ZNF250: variants seen among roughly 807,000 people sequenced by gnomAD.
ZNF250 encodes zinc finger protein 250.
A neutral mutation model predicts 37.1 loss-of-function variants in ZNF250; 13 were observed. The ratio of observed to expected loss-of-function variants is 0.35; its 90% CI spans 0.23 to 0.56. ZNF250 has a LOEUF of 0.56. Among genes scored for constraint, ZNF250 ranks in the 20% least tolerant of loss-of-function variants. ZNF250 has a pLI of 0.87. For missense variants in ZNF250, 474 were observed against 697.9 expected (o/e 0.68, Z 3.61); for synonymous variants, 251 against 265.6 (o/e 0.94, Z 0.54).
chr8:144,882,298 C>A lies in ZNF250; in HGVS notation c.885G>T (p.Gln295His), dbSNP rs1831540721. The A allele has an allele frequency of 9.3e-6, 15 of 1,613,830 alleles. No individual in the cohort carries two copies. Among genetic ancestry groups the A allele is most frequent in the Non-Finnish European group, 1.3e-5 (15 of 1,179,828 alleles). The change falls in exon 6 of 6, where the codon CAG becomes CAT. Residue 295 changes from glutamine to histidine, a missense_variant. Around this residue, in one of 2 missense-constraint regions of ZNF250, gnomAD observed 282 missense variants for 470.4 expected, o/e 0.60. Transcript: ENST00000417550. The surrounding 1 kb of genome is among the most constrained non-coding windows in gnomAD (Gnocchi z 5.5). ...KAFTQLSHLIQHQRIHTGERP... is the reference protein window; with the variant it reads ...KAFTQLSHLIHHQRIHTGERP... ...TTTCTCCCGTGTGGATCCGCTGGTG[C>A]TGAATGAGATGTGAGAGTTGAGTGA...
rs1232301194 is a variant in ZNF250, at chr8:144,876,972, T to G, written c.*4543A>C. 2.0e-5 allele frequency: 3 copies of G among 152,262 alleles called. No individual in the cohort carries two copies. Among genetic ancestry groups the G allele is most frequent in the Non-Finnish European group, 4.4e-5 (3 of 68,046 alleles). 9.4% of individuals were successfully genotyped at this position (152,262 alleles called of 1,614,324 possible). A position where few individuals can be genotyped will look rare whatever the true frequency, so the allele number is the denominator to read the frequency against. On this transcript the variant is annotated 3_prime_UTR_variant, in exon 6 of 6. Coordinates refer to ENST00000417550, the MANE Select transcript of ZNF250 (RefSeq NM_001109689.4). ...AATACTTGTTCCAGTCATTACTTTTTTATTGGAAAGCGTCAGATTATACAC... is the reference window on the plus strand; with the variant it reads ...AATACTTGTTCCAGTCATTACTTTTGTATTGGAAAGCGTCAGATTATACAC...
At chr8:144,901,724 G>A (rs981016304), upstream of ZNF250, 11 of 152,616 alleles carry the variant, frequency 7.2e-5, no homozygotes, top group African/African-American at 1.9e-4. This position sits in a 1 kb window ranked among gnomAD's most constrained non-coding sequence, Gnocchi z 5.4. Flanking sequence ...GGGCGCGGAG[G>A]TTACAGCCCA....
chr8:144,889,787 G>A, intron 3 of ZNF250, 93 bp from the exon 4 acceptor site: 1 of 1,464,906 alleles, frequency 6.8e-7, no homozygotes, highest in East Asian at 2.3e-5. Context: ...AAATGGACAG[G>A]ACTGATCTTC....
Position 144,891,734 on chromosome 8 carries a change from C to A in ZNF250, c.-54-1331G>T, listed in dbSNP as rs558951583. Among the ~76,000 whole-genome samples the A allele has an allele frequency of 6.6e-6, 1 of 152,340 alleles. No individual in the cohort carries two copies. Among genetic ancestry groups the A allele is most frequent in the South Asian group, 2.1e-4 (1 of 4,832 alleles). On this transcript the variant is annotated intron_variant, in intron 1 of 5. Transcript: ENST00000417550. The surrounding 1 kb of genome is among the most constrained non-coding windows in gnomAD (Gnocchi z 4.0). ...GGGTGTGGTGGTGCACGCCTGTAGT[C>A]CCAGCTACTCAGGAGGCTGAGGCAA...
chr8:144,888,910 A>C (rs1832107362), intron 4 of ZNF250, among the ~76,000 whole-genome samples: 1 of 152,076 alleles, frequency 6.6e-6, no homozygotes, highest in Non-Finnish European at 1.5e-5. Flanking sequence ...CTGGGACTAC[A>C]GGTGCATGCC....
chr8:144,893,550 C>T (rs7834033), intron 1 of ZNF250, among the ~76,000 whole-genome samples: 91,226 of 152,036 alleles, frequency 0.6, 30,841 homozygotes, highest in South Asian at 0.87. Context: ...AGGCTGGTCT[C>T]GAACCCCTGA....
chr8:144,894,658 CT>C (rs1832590406), intron 1 of ZNF250, among the ~76,000 whole-genome samples: 1 of 148,298 alleles, frequency 6.7e-6, no homozygotes, highest in Non-Finnish European at 1.5e-5. Flanking sequence ...CTTTTTTAAA[CT>C]TTTAATTAAT....
In ZNF250 at chr8:144,878,809, A is replaced by C. The variant is rs965236316; in HGVS notation, c.*2706T>G. ...GAATTACCTCAATGATCTAATCTCTAAAGTAATACCTTAGTGATCCCATTT... is the reference window on the plus strand; with the variant it reads ...GAATTACCTCAATGATCTAATCTCTCAAGTAATACCTTAGTGATCCCATTT... On this transcript the variant is annotated 3_prime_UTR_variant, in exon 6 of 6. Transcript: ENST00000417550. 2 of 152,188 alleles carry C rather than the reference A, an allele frequency of 1.3e-5. No individual in the cohort carries two copies. Among genetic ancestry groups the C allele is most frequent in the Admixed American group, 6.5e-5 (1 of 15,286 alleles). 9.4% of individuals were successfully genotyped at this position (152,188 alleles called of 1,614,324 possible).
In ZNF250 at chr8:144,890,133, G is replaced by A. The variant is rs117030606; in HGVS notation, c.43-74C>T. On this transcript the variant is annotated intron_variant, in intron 2 of 5. Transcript: ENST00000417550. This position sits in a 1 kb window ranked among gnomAD's most constrained non-coding sequence, Gnocchi z 5.1. ...GATGGGGAGTGGGTGCATGTGACATGTGACATGAGCAGTTGGCAGTGGGGG... is the reference window on the plus strand; with the variant it reads ...GATGGGGAGTGGGTGCATGTGACATATGACATGAGCAGTTGGCAGTGGGGG... 6,350 of 1,575,780 alleles carry A rather than the reference G, an allele frequency of 4.0e-3. 21 individuals carry two copies. The highest frequency in any genetic ancestry group is 4.5e-3 in the Non-Finnish European group (5,278 of 1,160,124).
chr8:144,885,920 A>C (rs928928077), intron 5 of ZNF250, among the ~76,000 whole-genome samples: 1 of 151,974 alleles, frequency 6.6e-6, no homozygotes, highest in African/African-American at 2.4e-5. Context: ...AGCTTGCGCA[A>C]CATGGTGAAA....
At position 144,889,631 on chromosome 8, in the gene ZNF250, A is replaced by G; in HGVS notation, c.233T>C (p.Leu78Pro). 6.2e-7 allele frequency: 1 copy of G among 1,613,966 alleles called. No individual in the cohort carries two copies. The highest frequency in any genetic ancestry group is 1.1e-5 in the South Asian group (1 of 91,086). Residue 78 changes from leucine (L) to proline (P), a missense_variant, in exon 4 of 6, where the codon CTG becomes CCG. This residue lies in a region of ZNF250 where 192 missense variants were observed against 227.5 expected (regional missense o/e 0.84). Coordinates refer to ENST00000417550, the MANE Select transcript of ZNF250 (RefSeq NM_001109689.4). The part of the protein sequence containing the change: ...QLERGEDPWV[L>P]DRKGAKKSQG... ...GCTCTTCTTAGCCCCCTTCCTGTCC[A>G]GGACCCAGGGATCTTCCCCTCGCTC...
chr8:144,884,325 C>A (rs1416553833), intron 5 of ZNF250, among the ~76,000 whole-genome samples: 6 of 152,346 alleles, frequency 3.9e-5, no homozygotes, highest in Admixed American at 3.9e-4. Flanking sequence ...GAGCTCGGCT[C>A]ACTGCAACCT....
rs1831557825 is a variant in ZNF250 at position 144,882,474 on chromosome 8, G to A, written c.709C>T (p.Leu237Phe). The change falls in exon 6 of 6, where the codon CTT becomes TTT. Residue 237 changes from leucine (L) to phenylalanine (F), a missense_variant. Coordinates refer to ENST00000417550, the MANE Select transcript of ZNF250 (RefSeq NM_001109689.4). This position sits in a 1 kb window ranked among gnomAD's most constrained non-coding sequence, Gnocchi z 5.5. ...CGKAFSQSSV[L>F]SKHRRIHTGE... ...GTGTGAATTCTCCTGTGTTTACTAAGGACTGAGCTCTGGCTGAAGGCCTTC... is the reference window on the plus strand; with the variant it reads ...GTGTGAATTCTCCTGTGTTTACTAAAGACTGAGCTCTGGCTGAAGGCCTTC... The A allele has an allele frequency of 4.3e-6, 7 of 1,613,994 alleles. No individual in the cohort carries two copies. Among genetic ancestry groups the A allele is most frequent in the Admixed American group, 1.7e-5 (1 of 59,994 alleles).
At chr8:144,883,233 G>A (rs1271414332) in intron 5 of ZNF250, among the ~76,000 whole-genome samples, 1 of 152,230 alleles carries the variant, frequency 6.6e-6, no homozygotes, top group East Asian at 1.9e-4. Flanking sequence ...GGCAGGCAGG[G>A]AGAGGTGTGA....
At position 144,879,908 on chromosome 8, in the gene ZNF250, A is replaced by G. The variant is rs1032783640; in HGVS notation, c.*1607T>C. ...TGGTGAAACCTCATCTCTACTAAAA[A>G]TACGAAAATTAGTCGGGCGTGGTAG... On this transcript the variant is annotated 3_prime_UTR_variant, in exon 6 of 6. Transcript: ENST00000417550. 6.6e-6 allele frequency: 1 copy of G among 152,550 alleles called. No individual in the cohort carries two copies. The highest frequency in any genetic ancestry group is 2.0e-4 in the South Asian group (1 of 4,894). 9.4% of individuals were successfully genotyped at this position (152,550 alleles called of 1,614,324 possible). A position where few individuals can be genotyped will look rare whatever the true frequency, so the allele number is the denominator to read the frequency against.
chr8:144,886,974 T>C (rs193159982), intron 4 of ZNF250, 72 bp from the exon 5 acceptor site: 101 of 1,394,238 alleles, frequency 7.2e-5, no homozygotes, highest in Non-Finnish European at 9.9e-5. Context: ...TGGCCGGGCA[T>C]GGTGGCTCAC....
chr8:144,900,846 A>C (rs546726435), intron 1 of ZNF250, among the ~76,000 whole-genome samples: 3 of 152,294 alleles, frequency 2.0e-5, no homozygotes, highest in South Asian at 4.1e-4. Context: ...ATGTGCATCA[A>C]ACAGAAAAAA....
intron 5 of ZNF250, among the ~76,000 whole-genome samples, chr8:144,885,912 C>A (rs1251794289): frequency 6.6e-6 from 1 of 151,956 alleles, no homozygotes; most frequent in Non-Finnish European, 1.5e-5. Context: ...TTGAGACCAG[C>A]TTGCGCAACA....
At chr8:144,885,084 T>C (rs1002432787) in intron 5 of ZNF250, among the ~76,000 whole-genome samples, 3 of 152,236 alleles carry the variant, frequency 2.0e-5, no homozygotes, top group African/African-American at 7.2e-5. Context: ...ATTTAACAGT[T>C]TTTTTAATAA....
Sources: gnomAD v4.1 joint callset for allele counts (sites outside exome capture counted in the v4.1 genomes callset) on GRCh38, gnomAD v4.1.1 for gene constraint, gnomAD v4.1.1 regional missense constraint, Gnocchi (gnomAD v3.1) non-coding constraint, MANE v1.5 for transcripts, NCBI Gene and HGNC (gene_info 2026-07-23, HGNC 2026-07-21) for gene names.